MTUS1: variants seen among roughly 807,000 people sequenced by gnomAD.
MTUS1 encodes microtubule associated scaffold protein 1, also known as microtubule-associated tumor suppressor 1.
A neutral mutation model predicts 120.8 loss-of-function variants in MTUS1; 109 were observed. The observed-to-expected ratio is 0.90, with a 90% CI of 0.77 to 1.06. The LOEUF is 1.06. Among genes scored for constraint, MTUS1 ranks in the 50% least tolerant of loss-of-function variants. The probability of loss-of-function intolerance (pLI) is 0.00; values close to 1 mark genes in which losing one functional copy is unlikely to be tolerated. For missense variants in MTUS1, 2,210 were observed against 1,486.3 expected (o/e 1.49, Z -8.01); for synonymous variants, 737 against 550.5 (o/e 1.34, Z -4.74).
intron 6 of MTUS1, among the ~76,000 whole-genome samples, chr8:17,693,025 C>G (rs915747169): frequency 1.8e-4 from 27 of 152,176 alleles, no homozygotes; most frequent in African/African-American, 9.7e-5. Context: ...ATTGCCTTCA[C>G]TGGAGTCAAG....
At chr8:17,764,040 C>T (rs765069582) in intron 1 of MTUS1, among the ~76,000 whole-genome samples, 2 of 152,000 alleles carry the variant, frequency 1.3e-5, no homozygotes, top group Admixed American at 6.6e-5. Context: ...CAGATCTCAG[C>T]GAGCAAGAAA....
chr8:17,676,062 A>T (rs947112512), intron 7 of MTUS1: 17 of 570,150 alleles, frequency 3.0e-5, no homozygotes, highest in Non-Finnish European at 5.3e-5. Flanking sequence ...AAAAAAAATG[A>T]AGAATTTCAA....
intron 6 of MTUS1, chr8:17,691,881 C>G (rs1474901628): frequency 2.0e-5 from 3 of 152,138 alleles, no homozygotes; most frequent in Non-Finnish European, 4.4e-5. Flanking sequence ...CATACAAAAG[C>G]CACATTTAAA....
intron 6 of MTUS1, among the ~76,000 whole-genome samples, chr8:17,710,333 T>A (rs1252999786): frequency 6.6e-6 from 1 of 152,224 alleles, no homozygotes; most frequent in African/African-American, 2.4e-5. Context: ...GCCACTGCTT[T>A]AAGTTTATGG....
At chr8:17,689,893 G>A (rs1221859210) in intron 6 of MTUS1, among the ~76,000 whole-genome samples, 3 of 114,092 alleles carry the variant, frequency 2.6e-5, no homozygotes, top group African/African-American at 1.0e-4. Flanking sequence ...AGACTTAAAC[G>A]TAAGACCTGA....
At chr8:17,763,849 C>T (rs1421553236) in intron 1 of MTUS1, among the ~76,000 whole-genome samples, 1 of 152,208 alleles carries the variant, frequency 6.6e-6, no homozygotes, top group Non-Finnish European at 1.5e-5. Flanking sequence ...TATGTACCAC[C>T]TCTGGGCCTG....
intron 1 of MTUS1, among the ~76,000 whole-genome samples, chr8:17,792,805 A>G (rs551264416): frequency 2.6e-4 from 39 of 151,952 alleles, no homozygotes; most frequent in African/African-American, 8.9e-4. Flanking sequence ...CGGAGGTTGC[A>G]GTGAGCCGAG....
At chr8:17,725,725 C>T (rs978077301) in intron 3 of MTUS1, among the ~76,000 whole-genome samples, 3 of 152,260 alleles carry the variant, frequency 2.0e-5, no homozygotes, top group African/African-American at 7.2e-5. Context: ...CAGCTTTGAA[C>T]GCTAACCCAA....
chr8:17,696,993 G>A (rs568231407), intron 6 of MTUS1, among the ~76,000 whole-genome samples: 55 of 152,302 alleles, frequency 3.6e-4, no homozygotes, highest in African/African-American at 1.3e-3. Context: ...TTTGGCTGGT[G>A]ATGGAGAAAA....
At chr8:17,774,617 G>A (rs1043098849) in intron 1 of MTUS1, among the ~76,000 whole-genome samples, 3 of 152,140 alleles carry the variant, frequency 2.0e-5, no homozygotes, top group Non-Finnish European at 2.9e-5. Context: ...TGGAGAAATT[G>A]GAACCCCCTT....
At chr8:17,739,323 A>C (rs1353812404) in intron 3 of MTUS1, among the ~76,000 whole-genome samples, 1 of 151,600 alleles carries the variant, frequency 6.6e-6, no homozygotes, top group Admixed American at 6.6e-5. Flanking sequence ...GAGAAACCCT[A>C]TCTCTATTAA....
At chr8:17,683,212 T>C (rs1393468260) in intron 7 of MTUS1, among the ~76,000 whole-genome samples, 3 of 152,000 alleles carry the variant, frequency 2.0e-5, no homozygotes, top group East Asian at 1.9e-4. Context: ...ATAGAGCTTG[T>C]AGTGAGCTGA....
intron 3 of MTUS1, among the ~76,000 whole-genome samples, chr8:17,736,688 G>C (rs920959476): frequency 5.9e-5 from 9 of 152,040 alleles, no homozygotes; most frequent in African/African-American, 2.2e-4. Flanking sequence ...AGGTTCAAGA[G>C]ATTCTCCTGC....
chr8:17,685,752 G>A (rs1289539920), intron 6 of MTUS1, among the ~76,000 whole-genome samples: 1 of 152,124 alleles, frequency 6.6e-6, no homozygotes, highest in Non-Finnish European at 1.5e-5. Flanking sequence ...AGTCATATTT[G>A]TATTAATACT....
chr8:17,735,701 C>G (rs185540928), intron 3 of MTUS1, among the ~76,000 whole-genome samples: 62 of 152,382 alleles, frequency 4.1e-4, no homozygotes, highest in African/African-American at 1.4e-3. Flanking sequence ...TAGTGTTGCT[C>G]CTTTACTGTG....
Position 17,712,033 on chromosome 8 carries a change from G to A in MTUS1, c.2623+1181C>T, listed in dbSNP as rs1289338742. Among the ~76,000 whole-genome samples, 6 of 152,198 alleles carry A rather than the reference G, an allele frequency of 3.9e-5. No individual in the cohort carries two copies. In the East Asian group the frequency reaches 9.7e-4, roughly 25 times the overall value. ...ACAGTAACATGGAAGATCACTGATC[G>A]CAGATCACCGTAAAAGATATAATAA... On this transcript the variant is annotated intron_variant, in intron 6 of 14. Coordinates refer to ENST00000693296, the MANE Select transcript of MTUS1 (RefSeq NM_001363059.2).
chr8:17,779,633 C>T (rs2050716309), intron 1 of MTUS1, among the ~76,000 whole-genome samples: 2 of 152,172 alleles, frequency 1.3e-5, no homozygotes, highest in Admixed American at 1.3e-4. Context: ...CAAATCGAAA[C>T]CTCTTCACAA....
At chr8:17,773,981 C>G (rs1457822063) in intron 1 of MTUS1, among the ~76,000 whole-genome samples, 1 of 152,140 alleles carries the variant, frequency 6.6e-6, no homozygotes, top group African/African-American at 2.4e-5. Flanking sequence ...CATGTTCTTC[C>G]CCACTGTGCA....
Position 17,752,854 on chromosome 8 carries a change from T to C in MTUS1, c.2091+863A>G, listed in dbSNP as rs146180189. ...ACACCTAAGTCCCCACTGCCAAAAA[T>C]AGGGCTGAGGACACATGCCCAACGA... On this transcript the variant is annotated intron_variant, in intron 2 of 14. Transcript: ENST00000693296. Among the ~76,000 whole-genome samples, 596 of 152,248 alleles carry C rather than the reference T, an allele frequency of 3.9e-3. 3 individuals are homozygous for C. Among genetic ancestry groups the C allele is most frequent in the Non-Finnish European group, 5.1e-3 (346 of 68,012 alleles).
Sources: allele counts gnomAD v4.1 joint callset (sites outside exome capture counted in the v4.1 genomes callset), GRCh38; gene constraint gnomAD v4.1.1; transcripts MANE v1.5; gene names NCBI Gene and HGNC (gene_info 2026-07-23, HGNC 2026-07-21).